Variants in ENPP5 observed in about 807,000 individuals in gnomAD.
ENPP5 encodes the protein E-NPP 5.
Under a neutral mutation model 33.7 loss-of-function variants are expected in ENPP5, and 27 were observed. The ratio of observed to expected loss-of-function variants is 0.80; its 90% CI spans 0.59 to 1.11. The LOEUF (loss-of-function observed/expected upper bound fraction) is 1.11. ENPP5 is among the 50% of genes least tolerant of loss of function. The pLI is 0.00. For synonymous variants in ENPP5, 199 were observed against 200.5 expected (o/e 0.99, Z 0.06); for missense variants, 552 against 579.2 (o/e 0.95, Z 0.48).
At chr6:46,164,905 AT>A (rs1309392960) in intron 4 of ENPP5, 2 of 152,282 alleles carry the variant, frequency 1.3e-5, no homozygotes, top group East Asian at 1.9e-4. Context: ...TGCCAGGCTA[AT>A]TTTTTGTATT....
At chr6:46,165,304 TA>T (rs1764508514) in intron 4 of ENPP5, 82 bp downstream of exon 4, 5 of 994,310 alleles carry the variant, frequency 5.0e-6, no homozygotes, top group Non-Finnish European at 7.2e-6. Context: ...TATCAATCAA[TA>T]AACTGCTGTA....
rs935361417 is a variant in ENPP5 at position 46,168,025 on chromosome 6, C to A, written c.238G>T (p.Val80Leu). 1 of 1,614,080 alleles carries A rather than the reference C, an allele frequency of 6.2e-7. No individual in the cohort carries two copies. The highest frequency in any genetic ancestry group is 1.3e-5 in the African/African-American group (1 of 74,994). ...TGATTCTCTGCAAAGAGGCCAGTTACCAAAGTATAATGGTTAGGGTAGGTT... is the reference window on the plus strand; with the variant it reads ...TGATTCTCTGCAAAGAGGCCAGTTAACAAAGTATAATGGTTAGGGTAGGTT... ...TKTYPNHYTLVTGLFAENHGI... is the reference protein window; with the variant it reads ...TKTYPNHYTLLTGLFAENHGI... Residue 80 changes from valine (V) to leucine (L), a missense_variant, in exon 3 of 5, where the codon GTA (valine) becomes TTA (leucine). Coordinates refer to ENST00000371383, the MANE Select transcript of ENPP5 (RefSeq NM_001290072.2).
At position 46,165,313 on chromosome 6, in the gene ENPP5, G is replaced by A. The variant is rs373135748; in HGVS notation, c.1006+74C>T. On this transcript the variant is annotated intron_variant, in intron 4 of 4. Coordinates refer to ENST00000371383, the MANE Select transcript of ENPP5 (RefSeq NM_001290072.2). The stretch of plus-strand genomic sequence containing the variant: ...TAAAAATATCAATCAATAAACTGCT[G>A]TATTATGTATTTAAACTGTTGTATT... The A allele has an allele frequency of 8.4e-6, 9 of 1,076,126 alleles. No individual in the cohort carries two copies. The African/African-American group carries it at 1.3e-4, about 15-fold the overall frequency. 66.7% of individuals were successfully genotyped at this position (1,076,126 alleles called of 1,614,324 possible). A position where few individuals can be genotyped will look rare whatever the true frequency, so the allele number is the denominator to read the frequency against.
intron 4 of ENPP5, among the ~76,000 whole-genome samples, chr6:46,163,437 A>T (rs919271430): frequency 7.1e-6 from 1 of 140,904 alleles, no homozygotes; most frequent in East Asian, 2.1e-4. Flanking sequence ...TCATTGTTCA[A>T]TTCCCACCTA....
At chr6:46,166,447 A>ATT (rs60483260) in intron 3 of ENPP5, among the ~76,000 whole-genome samples, 15,629 of 120,030 alleles carry the variant, frequency 0.13, 1,532 homozygotes, top group South Asian at 0.33. Context: ...ACACCAGGCT[A>ATT]TTTTTTTTTT....
Position 46,165,468 on chromosome 6 carries a change from A to G in ENPP5, c.925T>C (p.Tyr309His), listed in dbSNP as rs1198504198. 2 of 1,611,698 alleles carry G rather than the reference A, an allele frequency of 1.2e-6. No individual in the cohort carries two copies. The highest frequency in any genetic ancestry group is 2.2e-5 in the East Asian group (1 of 44,796). ...EDVPERWHYK[Y>H]NSRIQPIIAV... The stretch of plus-strand genomic sequence containing the variant: ...ATGATTGGTTGAATTCGACTGTTGT[A>G]TTTGTAATGCCACCTTTCTGGAACG... The change falls in exon 4 of 5, where the codon TAC becomes CAC. Residue 309 changes from tyrosine (Y) to histidine (H), a missense_variant. Physicochemically the swap from Tyr to His is moderately conservative, Grantham distance 83 (BLOSUM62 2). Transcript: ENST00000371383.
Position 46,167,824 on chromosome 6 carries a change from G to A in ENPP5, c.439C>T (p.His147Tyr), listed in dbSNP as rs750680358. The A allele has an allele frequency of 1.5e-5, 24 of 1,614,078 alleles. No homozygotes were observed. The South Asian group carries it at 2.6e-4, about 18-fold the overall frequency. The change falls in exon 3 of 5, where the codon CAT (histidine) becomes TAT (tyrosine). Residue 147 changes from histidine to tyrosine, a missense_variant. His to Tyr is a moderately conservative substitution (Grantham distance 83). Coordinates refer to ENST00000371383, the MANE Select transcript of ENPP5 (RefSeq NM_001290072.2). The stretch of plus-strand genomic sequence containing the variant: ...ATGTAATGAGTAGGAAAGCGCTTAT[G>A]TATTTTTACATCTGTTCCGGGCCAC... ...AMWPGTDVKI[H>Y]KRFPTHYMPY...
In ENPP5 at chr6:46,165,523, A is replaced by C. The variant is rs2127497964; in HGVS notation, c.870T>G (p.His290Gln). Residue 290 changes from histidine to glutamine, a missense_variant, in exon 4 of 5, where the codon CAT becomes CAG. By Grantham distance (24) the His-to-Gln change is conservative. Coordinates refer to ENST00000371383, the MANE Select transcript of ENPP5 (RefSeq NM_001290072.2). ...CTTTTTTGTAAACAGTAAGATTAGGATGAGCGTGAGTTAGTGCTTCATAGA... is the reference window on the plus strand; with the variant it reads ...CTTTTTTGTAAACAGTAAGATTAGGCTGAGCGTGAGTTAGTGCTTCATAGA... ...DEVYEALTHA[H>Q]PNLTVYKKED... 6.2e-7 allele frequency: 1 copy of C among 1,606,330 alleles called. No homozygotes were observed. Among genetic ancestry groups the C allele is most frequent in the Admixed American group, 1.7e-5 (1 of 57,712 alleles).
chr6:46,162,317 T>C (rs1398348692), intron 4 of ENPP5, among the ~76,000 whole-genome samples: 4 of 152,182 alleles, frequency 2.6e-5, no homozygotes, highest in Non-Finnish European at 5.9e-5. Flanking sequence ...AGTAGGAAAC[T>C]CCTGATTTTG....
At chr6:46,169,198 T>C (rs1474507567) in intron 2 of ENPP5, among the ~76,000 whole-genome samples, 1 of 152,198 alleles carries the variant, frequency 6.6e-6, no homozygotes, top group Non-Finnish European at 1.5e-5. Flanking sequence ...AGACGCTGTA[T>C]GGATAAACAA....
rs75810327 is a variant in ENPP5 at position 46,167,412 on chromosome 6, CCATT to C, written c.829+18_829+21del. 1.3e-4 allele frequency: 190 copies of C among 1,487,126 alleles called. No homozygotes were observed. The East Asian group carries it at 3.4e-3, about 26-fold the overall frequency. 92.1% of individuals were successfully genotyped at this position (1,487,126 alleles called of 1,614,324 possible). On this transcript the variant is annotated intron_variant, in intron 3 of 4. Transcript: ENST00000371383. ...CAAATGCACATCTAGTCTCAGCTCA[CCATT>C]CATTCAGTCAGCCTTACCTTCTTTT...
chr6:46,170,168 C>G (rs1764693612), intron 1 of ENPP5, 54 bp from the exon 2 acceptor site: 1 of 152,132 alleles, frequency 6.6e-6, no homozygotes, highest in African/African-American at 2.4e-5. Context: ...AGGCTAAAAG[C>G]AGAGGAAATA....
rs753282157 is a variant in ENPP5 at position 46,167,956 on chromosome 6, A to G, written c.307T>C (p.Ser103Pro). The stretch of plus-strand genomic sequence containing the variant: ...ATATTCATGTGATCCAAGGAGAAAG[A>G]TTTGTTCCGAATAGGATCAAACATA... ...NDMFDPIRNKSFSLDHMNIYD... is the reference protein window; with the variant it reads ...NDMFDPIRNKPFSLDHMNIYD... Residue 103 changes from serine (S) to proline (P), a missense_variant, in exon 3 of 5, where the codon TCT becomes CCT. Physicochemically the swap from Ser to Pro is moderately conservative, Grantham distance 74. Transcript: ENST00000371383. 6.2e-7 allele frequency: 1 copy of G among 1,614,234 alleles called. No individual in the cohort carries two copies. The highest frequency in any genetic ancestry group is 1.1e-5 in the South Asian group (1 of 91,082).
Position 46,160,299 on chromosome 6 carries a change from A to C in ENPP5, c.*1027T>G, listed in dbSNP as rs1035141593. ...GATCGAGTGGCCAATATTTTACCTA[A>C]TATGGTTTGTGCTCTTTCGCAACTT... On this transcript the variant is annotated 3_prime_UTR_variant, in exon 5 of 5. Transcript: ENST00000371383. The C allele has an allele frequency of 7.9e-5, 12 of 152,116 alleles. No homozygotes were observed. The highest frequency in any genetic ancestry group is 2.9e-4 in the African/African-American group (12 of 41,402). 9.4% of individuals were successfully genotyped at this position (152,116 alleles called of 1,614,324 possible).
At chr6:46,166,329 T>A (rs906989120) in intron 3 of ENPP5, among the ~76,000 whole-genome samples, 7 of 150,808 alleles carry the variant, frequency 4.6e-5, no homozygotes, top group African/African-American at 1.7e-4. Flanking sequence ...TGTGTCTCCC[T>A]GTCGCCCAAG....
intron 1 of ENPP5, among the ~76,000 whole-genome samples, chr6:46,170,390 A>ATT (rs35802161): frequency 9.5e-5 from 14 of 146,944 alleles, no homozygotes; most frequent in East Asian, 2.0e-4. Context: ...AACAATCAGA[A>ATT]TTTTTTTTTT....
chr6:46,163,344 C>A (rs371937520), intron 4 of ENPP5, among the ~76,000 whole-genome samples: 28 of 148,892 alleles, frequency 1.9e-4, no homozygotes, highest in African/African-American at 6.9e-4. Flanking sequence ...TTAGGTATAT[C>A]TCCCAATGCT....
rs1764341640 is a variant in ENPP5 at position 46,160,161 on chromosome 6, T to A, written c.*1165A>T. 1 of 152,052 alleles carries A rather than the reference T, an allele frequency of 6.6e-6. No homozygotes were observed. The highest frequency in any genetic ancestry group is 2.1e-4 in the South Asian group (1 of 4,818). The allele number at this position is 152,052 out of a possible 1,614,324, so 9.4% of individuals were successfully genotyped here. On this transcript the variant is annotated 3_prime_UTR_variant, in exon 5 of 5. Transcript: ENST00000371383. ...TTTTGATACCTGTTACCACAAAGAG[T>A]TATTTTGCTGCTTTTTCTAGTATGC...
rs991951702 is a variant in ENPP5, at chr6:46,159,399, C to G, written c.*1927G>C. ...ATAATAGTAATGCTCTAAAATGGAC[C>G]AATTTCACCTTCCAGTCATTATGCT... On this transcript the variant is annotated 3_prime_UTR_variant, in exon 5 of 5. Transcript: ENST00000371383. The G allele has an allele frequency of 6.6e-6, 1 of 152,054 alleles. No individual in the cohort carries two copies. The highest frequency in any genetic ancestry group is 2.4e-5 in the African/African-American group (1 of 41,484). The allele number at this position is 152,054 out of a possible 1,614,324, so 9.4% of individuals were successfully genotyped here. A position where few individuals can be genotyped will look rare whatever the true frequency, so the allele number is the denominator to read the frequency against.
Sources: allele counts gnomAD v4.1 joint callset (sites outside exome capture counted in the v4.1 genomes callset), GRCh38; gene constraint gnomAD v4.1.1; transcripts MANE v1.5; gene names NCBI Gene and HGNC (gene_info 2026-07-23, HGNC 2026-07-21).